Variants in ZNF331 observed in about 807,000 individuals in gnomAD.
ZNF331 encodes C2H2-like zinc finger protein rearranged in thyroid adenomas.
In ZNF331, 2 loss-of-function variants were observed where a neutral mutation model predicts 7.0. That is an observed-to-expected ratio of 0.29 (90% CI 0.12 to 0.90). The LOEUF (loss-of-function observed/expected upper bound fraction) is 0.90, where lower values mean the gene tolerates loss of function less well. ZNF331 is among the 40% of genes least tolerant of loss of function. The pLI, the probability that ZNF331 is intolerant of heterozygous loss-of-function variation, is 0.58. For synonymous variants in ZNF331, 196 were observed against 205.4 expected, an observed-to-expected ratio of 0.95 and a Z score of 0.39; for missense variants, 432 against 587.7, an observed-to-expected ratio of 0.74 and a Z score of 2.74.
the ZNF331 span, chr19:53,503,243 G>A: frequency 0.77 from 199,816 of 261,072 alleles, 77,125 homozygotes; most frequent in African/African-American, 0.88. Context: ...ATCTCGGCTC[G>A]CTGCAGCCTC....
chr19:53,525,300 A>G (rs1048877010), intron 2 of ZNF331, among the ~76,000 whole-genome samples: 5 of 152,176 alleles, frequency 3.3e-5, no homozygotes, highest in African/African-American at 1.2e-4. Context: ...AATTCTGTGA[A>G]GAAAGTCATT....
chr19:53,537,086 GTCTA>G (rs1233930079), upstream of ZNF331, among the ~76,000 whole-genome samples: 2 of 152,130 alleles, frequency 1.3e-5, no homozygotes, highest in African/African-American at 4.8e-5. Flanking sequence ...TGAATCTAAA[GTCTA>G]TCTAATTAAA....
intron 2 of ZNF331, among the ~76,000 whole-genome samples, chr19:53,547,509 G>T (rs2088691886): frequency 6.6e-6 from 1 of 152,112 alleles, no homozygotes; most frequent in South Asian, 2.1e-4. Context: ...CACAGGTATC[G>T]CCATGACATA....
chr19:53,569,595 C>T (rs1300102030), intron 4 of ZNF331, among the ~76,000 whole-genome samples: 2 of 152,146 alleles, frequency 1.3e-5, no homozygotes, highest in African/African-American at 4.8e-5. Flanking sequence ...CTCCTGTTTG[C>T]TCCCTTTTTT....
upstream of ZNF331, among the ~76,000 whole-genome samples, chr19:53,519,573 C>T (rs542069070): frequency 6.6e-6 from 1 of 152,358 alleles, no homozygotes; most frequent in Admixed American, 6.5e-5. Flanking sequence ...GCCAAACCGC[C>T]TGATCATAAG....
At chr19:53,563,316 G>A (rs555360016) in intron 3 of ZNF331, among the ~76,000 whole-genome samples, 1 of 152,150 alleles carries the variant, frequency 6.6e-6, no homozygotes, top group African/African-American at 2.4e-5. Context: ...TTGAACTCCT[G>A]ACCTCGTAAT....
chr19:53,550,672 G>A (rs1221300712), intron 2 of ZNF331, among the ~76,000 whole-genome samples: 1 of 149,980 alleles, frequency 6.7e-6, no homozygotes, highest in East Asian at 2.0e-4. Context: ...GAGTACCTGG[G>A]ATTACAGGCT....
At chr19:53,514,652 C>CT (rs67056894), upstream of ZNF331, among the ~76,000 whole-genome samples, 3,036 of 132,898 alleles carry the variant, frequency 0.023, 205 homozygotes, top group African/African-American at 0.078. Context: ...AAGCCTTCTC[C>CT]TTTTTTTTTT....
chr19:53,575,758 A>G (rs1347953914), intron 5 of ZNF331, among the ~76,000 whole-genome samples: 4 of 151,758 alleles, frequency 2.6e-5, no homozygotes, highest in Admixed American at 2.6e-4. Context: ...ATCTCGGCTC[A>G]CCGCAACTTC....
chr19:53,517,121 A>T (rs2086921298), upstream of ZNF331, among the ~76,000 whole-genome samples: 1 of 152,142 alleles, frequency 6.6e-6, no homozygotes, highest in Admixed American at 6.5e-5. Flanking sequence ...CCATTTGACA[A>T]ATCCCCCAAC....
chr19:53,518,984 G>T (rs1046242434), upstream of ZNF331, among the ~76,000 whole-genome samples: 2 of 152,238 alleles, frequency 1.3e-5, no homozygotes, highest in African/African-American at 4.8e-5. Context: ...GTTGGATGCA[G>T]TCTTTATTAT....
At chr19:53,506,389 A>C in the ZNF331 span, among the ~76,000 whole-genome samples, 32 of 104,186 alleles carry the variant, frequency 3.1e-4, no homozygotes, top group East Asian at 6.1e-4. Context: ...CCTGGCCCCT[A>C]CCACATACAC....
At chr19:53,511,630 T>A in the ZNF331 span, among the ~76,000 whole-genome samples, 4 of 152,178 alleles carry the variant, frequency 2.6e-5, no homozygotes, top group Non-Finnish European at 5.9e-5. Context: ...AAAGATAACC[T>A]TTCTCAATAG....
intron 5 of ZNF331, among the ~76,000 whole-genome samples, chr19:53,572,198 A>G (rs1443283464): frequency 2.0e-5 from 3 of 152,186 alleles, no homozygotes; most frequent in African/African-American, 7.2e-5. Context: ...AAGTGGGCGT[A>G]TTTCATTTCT....
rs77396646 is a variant in ZNF331 at position 53,567,762 on chromosome 19, G to A, written c.-73-1542G>A. Among the ~76,000 whole-genome samples, 82 of 151,772 alleles carry A rather than the reference G, an allele frequency of 5.4e-4. 1 individual carries two copies. The East Asian group carries it at 0.014, about 26-fold the overall frequency. On this transcript the variant is annotated intron_variant, in intron 3 of 5. Transcript: ENST00000449416. ...GGAGGCTGAGGTGGGAGGATTGCTCGAGCCCAGGAAGTCAAGGCTGCAGTG... is the reference window on the plus strand; with the variant it reads ...GGAGGCTGAGGTGGGAGGATTGCTCAAGCCCAGGAAGTCAAGGCTGCAGTG...
rs2147541380 is a variant in ZNF331, at chr19:53,560,916, A to G, written c.-74+5008A>G. Among the ~76,000 whole-genome samples the G allele has an allele frequency of 6.6e-6, 1 of 152,310 alleles. No homozygotes were observed. The highest frequency in any genetic ancestry group is 1.9e-4 in the East Asian group (1 of 5,192). On this transcript the variant is annotated intron_variant, in intron 3 of 5. Coordinates refer to ENST00000449416, the MANE Select transcript of ZNF331 (RefSeq NM_001079906.2). This position sits in a 1 kb window ranked among gnomAD's most constrained non-coding sequence, Gnocchi z 4.3. The stretch of plus-strand genomic sequence containing the variant: ...AGCCTTAATTTTCCTTTGCCATACA[A>G]GGTAACATATTTGAAAGTACTGGAA...
chr19:53,566,080 G>A (rs1017156817), intron 3 of ZNF331, among the ~76,000 whole-genome samples: 21 of 152,120 alleles, frequency 1.4e-4, no homozygotes, highest in African/African-American at 3.9e-4. Context: ...ACTCGTGACC[G>A]ATTTATTCCA....
In ZNF331 at chr19:53,571,885, A is replaced by G. The variant is rs962414503; in HGVS notation, c.136+155A>G. ...TATTGATGTGGCCGTGAGCACCACA[A>G]CCTTCCCCTCCCATCCATCGGTTAC... On this transcript the variant is annotated intron_variant, in intron 5 of 5. Transcript: ENST00000449416. The surrounding 1 kb of genome is among the most constrained non-coding windows in gnomAD (Gnocchi z 4.7). Among the ~76,000 whole-genome samples, 2 of 136,524 alleles carry G rather than the reference A, an allele frequency of 1.5e-5. No individual in the cohort carries two copies. Among genetic ancestry groups the G allele is most frequent in the African/African-American group, 7.5e-5 (2 of 26,704 alleles). 89.6% of individuals were successfully genotyped at this position (136,524 alleles called of 152,430 possible).
upstream of ZNF331, among the ~76,000 whole-genome samples, chr19:53,535,018 CAAAAA>C (rs59509834): frequency 2.5e-3 from 314 of 127,316 alleles, 1 homozygote; most frequent in African/African-American, 8.7e-3. Context: ...AGCCTGTAAC[CAAAAA>C]AAAAAAAAAA....
Sources: gnomAD v4.1 joint callset for allele counts (sites outside exome capture counted in the v4.1 genomes callset) on GRCh38, gnomAD v4.1.1 for gene constraint, Gnocchi (gnomAD v3.1) non-coding constraint, MANE v1.5 for transcripts, NCBI Gene and HGNC (gene_info 2026-07-23, HGNC 2026-07-21) for gene names.